Variants in ASAP2 observed in about 807,000 individuals in gnomAD.
ASAP2 encodes arf-GAP with SH3 domain, ANK repeat and PH domain-containing protein 2.
Under a neutral mutation model 131.4 loss-of-function variants are expected in ASAP2, and 45 were observed. The observed-to-expected ratio is 0.34, with a 90% confidence interval of 0.27 to 0.44. The LOEUF (loss-of-function observed/expected upper bound fraction) is 0.44, where lower values mean the gene tolerates loss of function less well. Ranked by LOEUF, ASAP2 falls within the 20% of genes least tolerant of loss-of-function variation. ASAP2 has a pLI of 1.00. For synonymous variants in ASAP2, 510 were observed against 503.0 expected (o/e 1.01, Z -0.19); for missense variants, 1,011 against 1,297.0 (o/e 0.78, Z 3.39).
chr2:9,397,750 A>ATATATATATATATATTTTTTTTT (rs1343127000), intron 24 of ASAP2, among the ~76,000 whole-genome samples: 1 of 44,804 alleles, frequency 2.2e-5, no homozygotes, highest in African/African-American at 1.7e-4. Flanking sequence ...ATATATATAT[A>ATATATATATATATATTTTTTTTT]TTTTTTTTTT....
rs1661207426 is a variant in ASAP2, at chr2:9,207,557, C to A, written c.126+327C>A. ...AGCGGGGGATCCCGCTGCCCGCCGC[C>A]GCCCGCCGCCGCCCGGGGTCTTTGG... On this transcript the variant is annotated intron_variant, in intron 1 of 27. Transcript: ENST00000281419. The surrounding 1 kb of genome is among the most constrained non-coding windows in gnomAD (Gnocchi z 4.1). Among the ~76,000 whole-genome samples, 1 of 152,026 alleles carries A rather than the reference C, an allele frequency of 6.6e-6. No individual in the cohort carries two copies. The highest frequency in any genetic ancestry group is 2.4e-5 in the African/African-American group (1 of 41,426).
At chr2:9,374,621 G>A (rs898503326) in intron 16 of ASAP2, 134 bp from the exon 17 acceptor site, 8 of 830,860 alleles carry the variant, frequency 9.6e-6, no homozygotes, top group Non-Finnish European at 1.1e-5. Flanking sequence ...GGCCACTCCC[G>A]CTTTGTGTTT....
chr2:9,222,432 C>A (rs1047381725), intron 1 of ASAP2, among the ~76,000 whole-genome samples: 3 of 152,208 alleles, frequency 2.0e-5, no homozygotes, highest in Admixed American at 6.5e-5. Context: ...TTCTCTGCAA[C>A]CGCAAACCCT....
intron 1 of ASAP2, among the ~76,000 whole-genome samples, chr2:9,211,648 C>T (rs1249701406): frequency 6.6e-6 from 1 of 152,098 alleles, no homozygotes; most frequent in Non-Finnish European, 1.5e-5. Context: ...TTGGCAATCC[C>T]ATTGCTGTCA....
intron 18 of ASAP2, among the ~76,000 whole-genome samples, chr2:9,378,612 G>A (rs747643025): frequency 2.0e-5 from 3 of 152,344 alleles, no homozygotes; most frequent in Middle Eastern, 3.4e-3. Context: ...CCAGTGGGAC[G>A]TGAGAAGGAC....
chr2:9,270,941 C>T (rs570424048), intron 1 of ASAP2, among the ~76,000 whole-genome samples: 45 of 151,580 alleles, frequency 3.0e-4, no homozygotes, highest in African/African-American at 7.0e-4. Context: ...TACAGGTGCC[C>T]GCCACTACGC....
chr2:9,227,529 C>T (rs1452960627), intron 1 of ASAP2, among the ~76,000 whole-genome samples: 2 of 152,100 alleles, frequency 1.3e-5, no homozygotes, highest in Non-Finnish European at 2.9e-5. Context: ...AAACGCTATT[C>T]GGGTGGGACA....
At chr2:9,301,818 A>ATT (rs1558310253) in intron 3 of ASAP2, among the ~76,000 whole-genome samples, 1 of 127,352 alleles carries the variant, frequency 7.9e-6, no homozygotes, top group African/African-American at 3.0e-5. Flanking sequence ...TGTATCCATC[A>ATT]TCTTTTTTTT....
intron 1 of ASAP2, among the ~76,000 whole-genome samples, chr2:9,215,299 C>A (rs1252118525): frequency 2.0e-5 from 3 of 152,048 alleles, no homozygotes; most frequent in African/African-American, 7.3e-5. Flanking sequence ...ATGTGGAGCA[C>A]GACTGTATAT....
chr2:9,242,281 C>G (rs1664027806), intron 1 of ASAP2, among the ~76,000 whole-genome samples: 1 of 152,226 alleles, frequency 6.6e-6, no homozygotes, highest in Non-Finnish European at 1.5e-5. Context: ...CAGTTCCTTG[C>G]TGACACTGTC....
chr2:9,241,956 G>C (rs1423736631), intron 1 of ASAP2, among the ~76,000 whole-genome samples: 1 of 151,478 alleles, frequency 6.6e-6, no homozygotes, highest in African/African-American at 2.4e-5. Flanking sequence ...TTTGTTATCA[G>C]GCGGACACAT....
intron 2 of ASAP2, among the ~76,000 whole-genome samples, chr2:9,283,336 C>T (rs1195569649): frequency 2.0e-5 from 3 of 152,226 alleles, no homozygotes; most frequent in Non-Finnish European, 4.4e-5. Flanking sequence ...CCTCGGCCTC[C>T]CTGTAATAGT....
At chr2:9,257,712 G>A (rs1665262979) in intron 1 of ASAP2, among the ~76,000 whole-genome samples, 1 of 152,088 alleles carries the variant, frequency 6.6e-6, no homozygotes, top group South Asian at 2.1e-4. Context: ...GTAGAGATGG[G>A]GTTTCACCAC....
intron 2 of ASAP2, among the ~76,000 whole-genome samples, chr2:9,292,794 C>A (rs1357856021): frequency 2.0e-5 from 3 of 152,222 alleles, no homozygotes; most frequent in African/African-American, 7.2e-5. Context: ...GCATATGTGT[C>A]CTTGTATCTC....
At chr2:9,229,715 G>A (rs1405731670) in intron 1 of ASAP2, among the ~76,000 whole-genome samples, 1 of 152,210 alleles carries the variant, frequency 6.6e-6, no homozygotes, top group Admixed American at 6.5e-5. Flanking sequence ...AAGTGATGGA[G>A]TAGTTGATAG....
At position 9,242,120 on chromosome 2, in the gene ASAP2, G is replaced by C. The variant is rs967932868; in HGVS notation, c.126+34890G>C. On this transcript the variant is annotated intron_variant, in intron 1 of 27. Transcript: ENST00000281419. ...GTTGTGTTTGCTATCTTGGAAGAGAGGGGGGAGGTCTGTGCTCTGTGCTGG... is the reference window on the plus strand; with the variant it reads ...GTTGTGTTTGCTATCTTGGAAGAGACGGGGGAGGTCTGTGCTCTGTGCTGG... Among the ~76,000 whole-genome samples the C allele has an allele frequency of 5.9e-5, 9 of 152,174 alleles. 1 individual carries two copies. The highest frequency in any genetic ancestry group is 2.0e-4 in the Admixed American group (3 of 15,282).
intron 5 of ASAP2, among the ~76,000 whole-genome samples, chr2:9,322,038 TC>T (rs1272085374): frequency 2.6e-5 from 4 of 152,212 alleles, no homozygotes; most frequent in African/African-American, 2.4e-5. Flanking sequence ...CTGGACGGTC[TC>T]TTGCCTGTGA....
intron 1 of ASAP2, among the ~76,000 whole-genome samples, chr2:9,270,656 T>A (rs558771013): frequency 6.6e-6 from 1 of 152,170 alleles, no homozygotes; most frequent in Non-Finnish European, 1.5e-5. Flanking sequence ...TATCAAATAC[T>A]AGATCTTATT....
At chr2:9,265,682 A>G (rs574962833) in intron 1 of ASAP2, among the ~76,000 whole-genome samples, 2 of 152,204 alleles carry the variant, frequency 1.3e-5, no homozygotes, top group South Asian at 2.1e-4. Context: ...ATCCTCTTTT[A>G]TAAGTATTTT....
Sources: gnomAD v4.1 joint callset for allele counts (sites outside exome capture counted in the v4.1 genomes callset) on GRCh38, gnomAD v4.1.1 for gene constraint, Gnocchi (gnomAD v3.1) non-coding constraint, MANE v1.5 for transcripts, NCBI Gene and HGNC (gene_info 2026-07-23, HGNC 2026-07-21) for gene names.